The following USH1C variants were observed in gnomAD, a reference collection of about 807,000 sequenced individuals.
USH1C encodes USH1 protein network component harmonin.
Under a neutral mutation model 119.3 loss-of-function variants are expected in USH1C, and 90 were observed. The ratio of observed to expected loss-of-function variants is 0.75; its 90% confidence interval spans 0.64 to 0.90. The LOEUF (loss-of-function observed/expected upper bound fraction) is 0.90, where lower values mean the gene tolerates loss of function less well. Among genes scored for constraint, USH1C ranks in the 40% least tolerant of loss-of-function variants. USH1C has a pLI of 0.00. For synonymous variants in USH1C, 465 were observed against 443.3 expected (o/e 1.05, Z -0.62); for missense variants, 1,165 against 1,167.7 (o/e 1.00, Z 0.03).
At position 17,498,224 on chromosome 11, in the gene USH1C, C is replaced by T. The variant is rs746605553; in HGVS notation, c.2428G>A (p.Val810Met). 3 of 1,614,212 alleles carry T rather than the reference C, an allele frequency of 1.9e-6. No individual in the cohort carries two copies. In the South Asian group the frequency reaches 3.3e-5, roughly 18 times the overall value. Residue 810 changes from valine (V) to methionine (M), a missense_variant, in exon 24 of 27, where the codon GTG becomes ATG. Val to Met is a conservative substitution (Grantham distance 21, BLOSUM62 1). Transcript: ENST00000005226. The stretch of plus-strand genomic sequence containing the variant: ...GCCTCAGCCAGGGTGTAGTCTGTCA[C>T]AATCTTGCCGTTGATTGCCATGATC... Reference protein sequence around the residue: ...DEIMAINGKIVTDYTLAEAEA... With the variant: ...DEIMAINGKIMTDYTLAEAEA...
rs138151781 is a variant in USH1C, at chr11:17,518,707, G to A, written c.1210+2163C>T. Among the ~76,000 whole-genome samples the A allele has an allele frequency of 5.3e-3, 803 of 152,300 alleles. 9 individuals carry two copies. The highest frequency in any genetic ancestry group is 0.018 in the African/African-American group (753 of 41,566). ...ATTTTCTAGGTAAGAGATGCCCCAT[G>A]CTCTTTTATTTTAAAAAATGCAGGG... On this transcript the variant is annotated intron_variant, in intron 14 of 26. Transcript: ENST00000005226.
rs181979123 is a variant in USH1C at position 17,523,867 on chromosome 11, G to A, written c.760-389C>T. Among the ~76,000 whole-genome samples the A allele has an allele frequency of 3.9e-5, 6 of 152,320 alleles. No individual in the cohort carries two copies. The South Asian group carries it at 6.2e-4, about 16-fold the overall frequency. Reference sequence around the variant, plus strand: ...AACATTCACTGATCACTTACAATGTGCTTGGCACAGCTCTAGTATACATAT... The same window carrying A: ...AACATTCACTGATCACTTACAATGTACTTGGCACAGCTCTAGTATACATAT... On this transcript the variant is annotated intron_variant, in intron 9 of 26. Transcript: ENST00000005226.
chr11:17,529,442 G>A (rs185758746), intron 4 of USH1C, among the ~76,000 whole-genome samples: 11 of 152,302 alleles, frequency 7.2e-5, no homozygotes, highest in African/African-American at 1.4e-4. Context: ...TAGCCCAGCC[G>A]GGCTGTATCT....
At chr11:17,494,579 G>A in intron 26 of USH1C, 1 of 636,036 alleles carries the variant, frequency 1.6e-6, no homozygotes, top group Non-Finnish European at 2.8e-6. Flanking sequence ...GGAGAAAGCG[G>A]GAGGGACACC....
chr11:17,496,250 A>G (rs1849245985), intron 25 of USH1C, among the ~76,000 whole-genome samples: 1 of 152,176 alleles, frequency 6.6e-6, no homozygotes, highest in Non-Finnish European at 1.5e-5. Context: ...AGACAGACAC[A>G]CAGGGAATCA....
Position 17,498,284 on chromosome 11 carries a change from G to C in USH1C, c.2381-13C>G. ...TTCACAATGCCACCTGCAGGCAGATGAGGCTGATTGGCCAACTGGGCTGTA... is the reference window on the plus strand; with the variant it reads ...TTCACAATGCCACCTGCAGGCAGATCAGGCTGATTGGCCAACTGGGCTGTA... On this transcript the variant is annotated splice_polypyrimidine_tract_variant and intron_variant, in intron 23 of 26. Transcript: ENST00000005226. The C allele has an allele frequency of 6.2e-7, 1 of 1,613,644 alleles. No homozygotes were observed. The highest frequency in any genetic ancestry group is 8.5e-7 in the Non-Finnish European group (1 of 1,179,548).
At chr11:17,509,880 T>C (rs760713964) in intron 17 of USH1C, 42 bp from the exon 18 acceptor site, 23 of 1,569,314 alleles carry the variant, frequency 1.5e-5, no homozygotes, top group Non-Finnish European at 2.0e-5. Flanking sequence ...TCACTCTGCT[T>C]AGAGCTCCAC....
chr11:17,520,295 A>G (rs1334781986), intron 14 of USH1C, among the ~76,000 whole-genome samples: 2 of 152,180 alleles, frequency 1.3e-5, no homozygotes, highest in Non-Finnish European at 2.9e-5. Context: ...CTGAGGCCCC[A>G]GGACAGCACA....
At chr11:17,534,316 C>T (rs1258406843) in intron 1 of USH1C, among the ~76,000 whole-genome samples, 3 of 152,244 alleles carry the variant, frequency 2.0e-5, no homozygotes, top group African/African-American at 7.2e-5. Context: ...TTCTGGAAGA[C>T]CGGGGCAGTC....
intron 1 of USH1C, among the ~76,000 whole-genome samples, chr11:17,541,399 A>G (rs190762844): frequency 4.6e-5 from 7 of 152,352 alleles, no homozygotes; most frequent in Non-Finnish European, 7.3e-5. Flanking sequence ...GAATAAATGA[A>G]TGATTAACAA....
intron 18 of USH1C, among the ~76,000 whole-genome samples, chr11:17,509,147 A>G (rs558675923): frequency 1.1e-3 from 169 of 152,306 alleles, no homozygotes; most frequent in African/African-American, 4.0e-3. Flanking sequence ...CAGGCCATTC[A>G]CCATACAATA....
At chr11:17,526,650 C>A (rs1278696204) in intron 7 of USH1C, 103 bp downstream of exon 7, 16 of 1,351,308 alleles carry the variant, frequency 1.2e-5, no homozygotes, top group Non-Finnish European at 1.7e-5. Context: ...CTGTGTGAAG[C>A]CCCTGAGGGT....
At position 17,526,199 on chromosome 11, in the gene USH1C, T is replaced by C. The variant is rs111749216; in HGVS notation, c.674+148A>G. On this transcript the variant is annotated intron_variant, in intron 8 of 26. Transcript: ENST00000005226. ...CTGGGCAACAGAGTCAGACCCTGTA[T>C]CTAACAAAAAAAGTATCATCACCCA... 3.3e-4 allele frequency: 233 copies of C among 711,188 alleles called. No homozygotes were observed. The African/African-American group carries it at 3.6e-3, about 11-fold the overall frequency. 44.1% of individuals were successfully genotyped at this position (711,188 alleles called of 1,614,324 possible). A position where few individuals can be genotyped will look rare whatever the true frequency, so the allele number is the denominator to read the frequency against.
chr11:17,537,276 G>A (rs1312170469), intron 1 of USH1C, among the ~76,000 whole-genome samples: 1 of 152,210 alleles, frequency 6.6e-6, no homozygotes, highest in Non-Finnish European at 1.5e-5. Flanking sequence ...GTTTTGGGGA[G>A]CCCCTGCTCT....
chr11:17,505,747 C>G, intron 19 of USH1C, 83 bp downstream of exon 19: 1 of 1,596,478 alleles, frequency 6.3e-7, no homozygotes. Flanking sequence ...ACCTCACTTG[C>G]CCTCCAGAGA....
intron 14 of USH1C, chr11:17,517,322 G>A (rs1181455710): frequency 7.0e-7 from 1 of 1,421,576 alleles, no homozygotes; most frequent in East Asian, 2.5e-5. Flanking sequence ...CTGAAGCTGG[G>A]TGTCTGCACT....
intron 18 of USH1C, among the ~76,000 whole-genome samples, chr11:17,506,624 A>G (rs1055322619): frequency 6.6e-6 from 1 of 152,026 alleles, no homozygotes; most frequent in Non-Finnish European, 1.5e-5. Flanking sequence ...CGCTCCTCAC[A>G]CTGCCTAGCT....
rs565056912 is a variant in USH1C, at chr11:17,533,369, C to CCA, written c.37-48_37-47insTG. On this transcript the variant is annotated intron_variant, in intron 1 of 26. Coordinates refer to ENST00000005226, the MANE Select transcript of USH1C (RefSeq NM_153676.4). ...TCACAGCTCCAGGCTCAGCACCCGCCCCCATAGCAGACCTCAGGGAGGAGA... is the reference window on the plus strand; with the variant it reads ...TCACAGCTCCAGGCTCAGCACCCGCCCACCCATAGCAGACCTCAGGGAGGAGA... 5.0e-4 allele frequency: 685 copies of CCA among 1,380,808 alleles called. 6 individuals carry two copies. The highest frequency in any genetic ancestry group is 4.9e-3 in the South Asian group (422 of 86,842). 85.5% of individuals were successfully genotyped at this position (1,380,808 alleles called of 1,614,324 possible). A position where few individuals can be genotyped will look rare whatever the true frequency, so the allele number is the denominator to read the frequency against.
intron 25 of USH1C, 84 bp from the exon 26 acceptor site, chr11:17,495,761 G>A: frequency 2.1e-6 from 3 of 1,450,060 alleles, no homozygotes; most frequent in Non-Finnish European, 2.9e-6. Context: ...CCTTTCACTG[G>A]GCTCCTGCCT....
Sources: gnomAD v4.1 joint callset for allele counts (sites outside exome capture counted in the v4.1 genomes callset) on GRCh38, gnomAD v4.1.1 for gene constraint, MANE v1.5 for transcripts, NCBI Gene and HGNC (gene_info 2026-07-23, HGNC 2026-07-21) for gene names.